The following NELL1 variants were observed in gnomAD, a reference collection of about 807,000 sequenced individuals.
NELL1 encodes neural EGFL like 1.
A neutral mutation model predicts 107.4 loss-of-function variants in NELL1; 76 were observed. The observed-to-expected ratio is 0.71, with a 90% CI of 0.59 to 0.86. NELL1 has a LOEUF of 0.86. NELL1 is among the 40% of genes least tolerant of loss of function. The probability of loss-of-function intolerance (pLI) is 0.00; values close to 1 mark genes in which losing one functional copy is unlikely to be tolerated. For missense variants in NELL1, 1,024 were observed against 1,005.5 expected (o/e 1.02, Z -0.25); for synonymous variants, 353 against 341.2 (o/e 1.03, Z -0.38).
intron 4 of NELL1, among the ~76,000 whole-genome samples, chr11:20,876,113 CG>C: frequency 6.6e-6 from 1 of 152,194 alleles, no homozygotes; most frequent in South Asian, 2.1e-4. Context: ...TTTTTGTTTG[CG>C]TTTGTATTTA....
chr11:21,516,484 A>G (rs1413596647), intron 15 of NELL1, among the ~76,000 whole-genome samples: 1 of 152,138 alleles, frequency 6.6e-6, no homozygotes, highest in Non-Finnish European at 1.5e-5. Context: ...TTGTGCAAAC[A>G]TCAGAGAGTA....
At chr11:20,955,754 TATC>T (rs1320984919) in intron 11 of NELL1, among the ~76,000 whole-genome samples, 3 of 152,220 alleles carry the variant, frequency 2.0e-5, no homozygotes, top group Admixed American at 6.5e-5. Context: ...GCATGAAACT[TATC>T]ATTATTATTT....
At chr11:21,046,558 A>G (rs1300222653) in intron 12 of NELL1, among the ~76,000 whole-genome samples, 1 of 152,160 alleles carries the variant, frequency 6.6e-6, no homozygotes, top group African/African-American at 2.4e-5. Flanking sequence ...TTTCTTATCA[A>G]TACTCAGTGA....
At chr11:21,481,899 T>C (rs991850616) in intron 15 of NELL1, among the ~76,000 whole-genome samples, 2 of 152,132 alleles carry the variant, frequency 1.3e-5, no homozygotes, top group Non-Finnish European at 2.9e-5. Context: ...GTTATCTTGA[T>C]TGGAGGCAAA....
chr11:21,172,344 G>C (rs10500897), intron 13 of NELL1, among the ~76,000 whole-genome samples: 69,210 of 151,614 alleles, frequency 0.46, 16,346 homozygotes, highest in Middle Eastern at 0.5. Context: ...TTCTGGCTTC[G>C]TGTATCAGCC....
intron 3 of NELL1, among the ~76,000 whole-genome samples, chr11:20,824,079 T>C (rs114378909): frequency 0.015 from 2,260 of 151,150 alleles, 86 homozygotes; most frequent in African/African-American, 0.051. Flanking sequence ...TGGGAGGTGA[T>C]TAGATCATGG....
intron 15 of NELL1, among the ~76,000 whole-genome samples, chr11:21,393,376 G>A (rs1389258635): frequency 6.6e-6 from 1 of 151,634 alleles, no homozygotes; most frequent in African/African-American, 2.4e-5. Context: ...TTAAATTTGG[G>A]AAGGGTAATT....
Position 21,015,323 on chromosome 11 carries a change from G to A in NELL1, c.1300+54763G>A, listed in dbSNP as rs137882589. On this transcript the variant is annotated intron_variant, in intron 12 of 19. Coordinates refer to ENST00000357134, the MANE Select transcript of NELL1 (RefSeq NM_006157.5). ...GAAGAGGGAGGAAAAGCAGAGATTC[G>A]TCCTCGCCGTTGAAATTATTGCTGT... 2.8e-3 allele frequency among the ~76,000 whole-genome samples: 427 copies of A among 152,186 alleles called. 1 individual carries two copies. The highest frequency in any genetic ancestry group is 5.1e-3 in the Non-Finnish European group (349 of 67,976).
chr11:21,506,016 T>A (rs1371762327), intron 15 of NELL1, among the ~76,000 whole-genome samples: 1 of 152,212 alleles, frequency 6.6e-6, no homozygotes. Context: ...CAGAGTCTCA[T>A]AATATGATAC....
At chr11:21,474,261 C>T (rs565206350) in intron 15 of NELL1, among the ~76,000 whole-genome samples, 73 of 152,132 alleles carry the variant, frequency 4.8e-4, no homozygotes, top group Non-Finnish European at 8.4e-4. Flanking sequence ...TTGGGGAATT[C>T]ATCCCCCAGA....
chr11:21,006,924 G>C (rs1040006944), intron 12 of NELL1, among the ~76,000 whole-genome samples: 2 of 152,136 alleles, frequency 1.3e-5, no homozygotes, highest in Admixed American at 6.6e-5. Flanking sequence ...GAATACCTTA[G>C]AATGCAAAGC....
At chr11:21,116,923 C>A (rs781213628) in intron 13 of NELL1, among the ~76,000 whole-genome samples, 4 of 151,968 alleles carry the variant, frequency 2.6e-5, no homozygotes, top group Admixed American at 6.6e-5. Context: ...TCTAGTGTCT[C>A]ATTACATGGA....
At chr11:21,113,824 TTCTTC>T in intron 13 of NELL1, 110 bp downstream of exon 13, 2 of 1,136,830 alleles carry the variant, frequency 1.8e-6, no homozygotes, top group Non-Finnish European at 2.4e-6. Context: ...ATCTAAATAG[TTCTTC>T]TCTTTATTAC....
At chr11:20,926,023 T>C (rs984125967) in intron 7 of NELL1, among the ~76,000 whole-genome samples, 8 of 152,176 alleles carry the variant, frequency 5.3e-5, no homozygotes, top group African/African-American at 1.9e-4. Context: ...AAAGGTTGAA[T>C]TGATCTCCTG....
rs75245709 is a variant in NELL1 at position 21,499,976 on chromosome 11, T to C, written c.1646-34398T>C. Among the ~76,000 whole-genome samples, 2,553 of 152,182 alleles carry C rather than the reference T, an allele frequency of 0.017. 199 individuals are homozygous for C. The East Asian group carries it at 0.26, about 16-fold the overall frequency. ...CTGTGAAGTTGCCATAGCCAGACTT[T>C]CTCAAGAGAAGGAATAGATAGTTGG... On this transcript the variant is annotated intron_variant, in intron 15 of 19. Coordinates refer to ENST00000357134, the MANE Select transcript of NELL1 (RefSeq NM_006157.5).
At chr11:21,488,277 C>A (rs1327688394) in intron 15 of NELL1, among the ~76,000 whole-genome samples, 2 of 151,872 alleles carry the variant, frequency 1.3e-5, no homozygotes, top group East Asian at 3.9e-4. Flanking sequence ...TGTTAGGCAA[C>A]ACAAAAATTC....
chr11:21,483,191 T>C (rs1854535812), intron 15 of NELL1, among the ~76,000 whole-genome samples: 1 of 152,144 alleles, frequency 6.6e-6, no homozygotes, highest in Non-Finnish European at 1.5e-5. Context: ...CAAGGCCAGA[T>C]TATTTAAGTG....
At chr11:20,674,980 A>G (rs141234333) in intron 1 of NELL1, among the ~76,000 whole-genome samples, 2 of 152,320 alleles carry the variant, frequency 1.3e-5, no homozygotes, top group African/African-American at 4.8e-5. Flanking sequence ...TTTGGTTCAC[A>G]TATCTGTAAA....
intron 3 of NELL1, among the ~76,000 whole-genome samples, chr11:20,830,028 C>T (rs1197593547): frequency 6.6e-6 from 1 of 152,046 alleles, no homozygotes; most frequent in Non-Finnish European, 1.5e-5. Context: ...AATCCCCCCA[C>T]CTTGGGAGGC....
Sources: allele counts gnomAD v4.1 joint callset (sites outside exome capture counted in the v4.1 genomes callset), GRCh38; gene constraint gnomAD v4.1.1; transcripts MANE v1.5; gene names NCBI Gene and HGNC (gene_info 2026-07-23, HGNC 2026-07-21).